PTPRD: variants seen among roughly 807,000 people sequenced by gnomAD.
PTPRD encodes the protein receptor-type tyrosine-protein phosphatase delta.
A neutral mutation model predicts 214.5 loss-of-function variants in PTPRD; 34 were observed. That is an observed-to-expected ratio of 0.16 (90% CI 0.12 to 0.21). The LOEUF is 0.21. Ranked by LOEUF, PTPRD falls within the 10% of genes least tolerant of loss-of-function variation. The pLI, the probability that PTPRD is intolerant of heterozygous loss-of-function variation, is 1.00. For synonymous variants in PTPRD, 1,128 were observed against 845.7 expected (o/e 1.33, Z -5.79); for missense variants, 2,545 against 2,398.7 (o/e 1.06, Z -1.27).
chr9:9,950,017 C>T (rs998933291), intron 4 of PTPRD, among the ~76,000 whole-genome samples: 1 of 152,128 alleles, frequency 6.6e-6, no homozygotes, highest in Non-Finnish European at 1.5e-5. Flanking sequence ...TGATTCTTAA[C>T]ATAAAGTCTC....
At chr9:9,107,568 A>G (rs910276698) in intron 10 of PTPRD, among the ~76,000 whole-genome samples, 2 of 152,220 alleles carry the variant, frequency 1.3e-5, no homozygotes, top group African/African-American at 4.8e-5. Flanking sequence ...GTGCACACAC[A>G]TGCACATACA....
chr9:8,458,328 T>C (rs986434019), intron 33 of PTPRD, among the ~76,000 whole-genome samples: 1 of 152,184 alleles, frequency 6.6e-6, no homozygotes, highest in African/African-American at 2.4e-5. Context: ...TCTTCAAATT[T>C]ACATGACTGA....
chr9:8,957,973 C>CAA (rs3046084), intron 11 of PTPRD, among the ~76,000 whole-genome samples: 145,332 of 151,848 alleles, frequency 0.96, 69,863 homozygotes, highest in South Asian at 1. Flanking sequence ...CAGAAGATCA[C>CAA]AAAGAAGTGA....
chr9:9,628,231 A>G (rs2095482543), intron 7 of PTPRD, among the ~76,000 whole-genome samples: 3 of 152,238 alleles, frequency 2.0e-5, no homozygotes, highest in East Asian at 1.9e-4. Flanking sequence ...CACTTCACCC[A>G]TAACACATGT....
At chr9:9,016,959 C>A (rs150009749) in intron 11 of PTPRD, among the ~76,000 whole-genome samples, 1 of 152,156 alleles carries the variant, frequency 6.6e-6, no homozygotes, top group African/African-American at 2.4e-5. Context: ...GATTTAGAGT[C>A]AATGGGCGTT....
At chr9:10,068,275 G>A (rs1324809888) in intron 3 of PTPRD, among the ~76,000 whole-genome samples, 3 of 151,886 alleles carry the variant, frequency 2.0e-5, no homozygotes, top group African/African-American at 7.2e-5. Flanking sequence ...GTGGTGAAAA[G>A]CCTTTATCTT....
intron 7 of PTPRD, among the ~76,000 whole-genome samples, chr9:9,721,037 G>A (rs987180683): frequency 3.9e-5 from 6 of 152,202 alleles, no homozygotes; most frequent in African/African-American, 9.6e-5. Flanking sequence ...TGTTGGGTAC[G>A]AGGCTTAGTA....
rs371382954 is a variant in PTPRD at position 8,447,713 on chromosome 9, C to T, written c.3988+2012G>A. 1.6e-4 allele frequency among the ~76,000 whole-genome samples: 25 copies of T among 152,192 alleles called. 1 individual carries two copies. In the South Asian group the frequency reaches 4.1e-3, roughly 25 times the overall value. On this transcript the variant is annotated intron_variant, in intron 34 of 45. Transcript: ENST00000381196. ...AGGTGTAGCAGCACTCTCACTGGCT[C>T]CCTTCTTTTGGGGGTACCCTTGCCT...
At chr9:9,950,418 A>G (rs2093334316) in intron 4 of PTPRD, among the ~76,000 whole-genome samples, 1 of 152,118 alleles carries the variant, frequency 6.6e-6, no homozygotes, top group Admixed American at 6.5e-5. Flanking sequence ...GACCTAGTTT[A>G]TTTGGCTTTT....
chr9:9,407,122 C>T (rs1204743838), intron 8 of PTPRD, among the ~76,000 whole-genome samples: 1 of 151,748 alleles, frequency 6.6e-6, no homozygotes, highest in Non-Finnish European at 1.5e-5. Context: ...TTCAATCCCT[C>T]ATTACCTGAT....
intron 9 of PTPRD, among the ~76,000 whole-genome samples, chr9:9,238,555 G>A (rs2099968502): frequency 6.6e-6 from 1 of 152,082 alleles, no homozygotes; most frequent in African/African-American, 2.4e-5. Context: ...GGATCTTAGA[G>A]TCAAAGTCTT....
At chr9:10,274,027 A>C (rs951476019) in intron 3 of PTPRD, among the ~76,000 whole-genome samples, 1 of 152,118 alleles carries the variant, frequency 6.6e-6, no homozygotes, top group African/African-American at 2.4e-5. Flanking sequence ...TCCTCCTAAC[A>C]GAATTTCATT....
At chr9:8,575,095 C>T (rs1434996231) in intron 14 of PTPRD, among the ~76,000 whole-genome samples, 2 of 152,086 alleles carry the variant, frequency 1.3e-5, no homozygotes, top group African/African-American at 4.8e-5. Context: ...CTACGAATAG[C>T]TGTTCAAGTA....
intron 2 of PTPRD, among the ~76,000 whole-genome samples, chr9:10,548,830 A>G (rs1400281133): frequency 2.0e-5 from 3 of 152,176 alleles, no homozygotes; most frequent in South Asian, 2.1e-4. Context: ...TAAAGTCTCC[A>G]TGGGGGAAAG....
intron 9 of PTPRD, among the ~76,000 whole-genome samples, chr9:9,335,617 C>G (rs1050172374): frequency 6.6e-6 from 1 of 151,942 alleles, no homozygotes; most frequent in African/African-American, 2.4e-5. Context: ...TGTTAAAATA[C>G]AATAATATGC....
At chr9:9,518,515 A>T (rs1026476063) in intron 8 of PTPRD, among the ~76,000 whole-genome samples, 1 of 152,072 alleles carries the variant, frequency 6.6e-6, no homozygotes, top group African/African-American at 2.4e-5. Context: ...GGAAGGCATA[A>T]TAGGGTAGGT....
At chr9:9,053,430 C>G (rs1309580107) in intron 10 of PTPRD, among the ~76,000 whole-genome samples, 1 of 151,980 alleles carries the variant, frequency 6.6e-6, no homozygotes, top group African/African-American at 2.4e-5. Context: ...GATGTCTGCT[C>G]TATACAAATA....
chr9:8,588,791 C>G (rs1165002558), intron 14 of PTPRD, among the ~76,000 whole-genome samples: 1 of 152,044 alleles, frequency 6.6e-6, no homozygotes, highest in East Asian at 1.9e-4. Context: ...TCTTCATCAA[C>G]CAGCAGAAAT....
chr9:8,346,331 C>T (rs1474533779), intron 39 of PTPRD, among the ~76,000 whole-genome samples: 1 of 152,040 alleles, frequency 6.6e-6, no homozygotes, highest in Non-Finnish European at 1.5e-5. Context: ...ATATAAAACT[C>T]ATTGTTTCTT....
Sources: allele counts gnomAD v4.1 joint callset (sites outside exome capture counted in the v4.1 genomes callset), GRCh38; gene constraint gnomAD v4.1.1; transcripts MANE v1.5; gene names NCBI Gene and HGNC (gene_info 2026-07-23, HGNC 2026-07-21).